Variants in CAST observed in about 807,000 individuals in gnomAD.
CAST encodes the protein calpastatin, also known as MIR583 host.
In CAST, 76 loss-of-function variants were observed where a neutral mutation model predicts 119.6. The ratio of observed to expected loss-of-function variants is 0.64; its 90% CI spans 0.53 to 0.77. The LOEUF is 0.77. Among genes scored for constraint, CAST ranks in the 30% least tolerant of loss-of-function variants. CAST has a pLI of 0.00. For missense variants in CAST, 953 were observed against 946.5 expected, an observed-to-expected ratio of 1.01 and a Z score of -0.09; for synonymous variants, 319 against 331.6, an observed-to-expected ratio of 0.96 and a Z score of 0.41.
the CAST span, among the ~76,000 whole-genome samples, chr5:95,987,462 G>A: frequency 0.011 from 1,709 of 152,268 alleles, 11 homozygotes; most frequent in Non-Finnish European, 0.017. Context: ...CCTAGGCGCT[G>A]CCTCCAACCA....
chr5:96,503,744 C>T, the CAST span, among the ~76,000 whole-genome samples: 1 of 152,162 alleles, frequency 6.6e-6, no homozygotes, highest in East Asian at 1.9e-4. Flanking sequence ...CGCAGCAGCC[C>T]AAATGACAGG....
At chr5:96,593,122 C>G (rs1746994187) in intron 1 of CAST, among the ~76,000 whole-genome samples, 1 of 152,226 alleles carries the variant, frequency 6.6e-6, no homozygotes, top group Admixed American at 6.5e-5. Context: ...GGCCCCATAC[C>G]CATCTGCATC....
At chr5:96,750,489 C>T (rs749096141) in intron 19 of CAST, 98 bp from the exon 20 acceptor site, 4 of 693,036 alleles carry the variant, frequency 5.8e-6, no homozygotes, top group Non-Finnish European at 1.0e-5. Context: ...CATGTTCACA[C>T]CATATAATGT....
chr5:96,559,375 A>G (rs1746310085), intron 1 of CAST, among the ~76,000 whole-genome samples: 1 of 152,204 alleles, frequency 6.6e-6, no homozygotes, highest in East Asian at 1.9e-4. Flanking sequence ...AGGCAGGAGA[A>G]GGAAATAAGG....
At chr5:96,156,761 T>C in the CAST span, among the ~76,000 whole-genome samples, 1 of 152,196 alleles carries the variant, frequency 6.6e-6, no homozygotes, top group Non-Finnish European at 1.5e-5. Flanking sequence ...TTACCCACCA[T>C]TTGATTATGC....
At chr5:96,309,590 C>T in the CAST span, among the ~76,000 whole-genome samples, 2 of 152,300 alleles carry the variant, frequency 1.3e-5, no homozygotes, top group Admixed American at 6.5e-5. Flanking sequence ...GCATAGGCAC[C>T]GTAGGGAATC....
the CAST span, among the ~76,000 whole-genome samples, chr5:96,139,712 G>A: frequency 6.6e-6 from 1 of 151,646 alleles, no homozygotes; most frequent in African/African-American, 2.4e-5. Flanking sequence ...CCATTTATGC[G>A]ACTATTTTCT....
the CAST span, among the ~76,000 whole-genome samples, chr5:96,142,984 G>T: frequency 6.6e-6 from 1 of 152,184 alleles, no homozygotes; most frequent in South Asian, 2.1e-4. Context: ...CCTGAAGTTT[G>T]ACACTCTGGT....
the CAST span, among the ~76,000 whole-genome samples, chr5:96,420,860 G>T: frequency 6.6e-6 from 1 of 152,112 alleles, no homozygotes; most frequent in Non-Finnish European, 1.5e-5. Flanking sequence ...AAGAGACAGT[G>T]CCATCCAGAG....
the CAST span, chr5:96,393,073 G>C: frequency 6.2e-7 from 1 of 1,613,990 alleles, no homozygotes; most frequent in South Asian, 1.1e-5. Context: ...AAGGTTTAGT[G>C]TTATAAAAAA....
the CAST span, among the ~76,000 whole-genome samples, chr5:96,412,765 T>G: frequency 3.4e-5 from 5 of 145,596 alleles, no homozygotes; most frequent in Non-Finnish European, 7.4e-5. Context: ...TTTTTTTTTT[T>G]TTTTTTTTTT....
chr5:96,758,760 C>T (rs1766950640), intron 24 of CAST, among the ~76,000 whole-genome samples: 1 of 152,152 alleles, frequency 6.6e-6, no homozygotes, highest in Non-Finnish European at 1.5e-5. Flanking sequence ...GCTCAGTCAC[C>T]TCATCCCGTG....
chr5:96,429,406 C>T, the CAST span: 1 of 730,078 alleles, frequency 1.4e-6, no homozygotes, highest in Non-Finnish European at 2.4e-6. Context: ...TAGAGATAGG[C>T]AACTTTTATT....
At chr5:96,489,824 T>G in the CAST span, among the ~76,000 whole-genome samples, 1 of 152,214 alleles carries the variant, frequency 6.6e-6, no homozygotes, top group Non-Finnish European at 1.5e-5. Flanking sequence ...TCCTGTCACA[T>G]AGATACAGAG....
chr5:96,742,597 G>A, intron 15 of CAST, 58 bp from the exon 16 acceptor site: 2 of 1,078,196 alleles, frequency 1.9e-6, no homozygotes, highest in Non-Finnish European at 1.4e-6. Context: ...GAAGTAAATG[G>A]ATTGTTCGGG....
the CAST span, among the ~76,000 whole-genome samples, chr5:96,138,088 A>T: frequency 1.3e-5 from 2 of 151,992 alleles, no homozygotes. Context: ...GTATTTTCCT[A>T]TGTTTTCTTT....
upstream of CAST, among the ~76,000 whole-genome samples, chr5:96,527,037 G>A (rs1364816668): frequency 2.0e-5 from 3 of 152,162 alleles, no homozygotes; most frequent in African/African-American, 7.2e-5. Context: ...AAAGGAGCAG[G>A]GAGAGAAGCA....
chr5:96,055,438 G>C, the CAST span, among the ~76,000 whole-genome samples: 71 of 152,248 alleles, frequency 4.7e-4, no homozygotes, highest in Non-Finnish European at 7.5e-4. Context: ...TGGAGAGCAT[G>C]CTGTATTTTA....
chr5:96,729,562 T>C lies in CAST; in HGVS notation c.436-50T>C, dbSNP rs111869728. On this transcript the variant is annotated intron_variant, in intron 7 of 31. Transcript: ENST00000675179. ...AGTATTATGTTTAAGACTACCATCT[T>C]GTTAACAATGTCTTTATATGTGTGT... 1.1e-3 allele frequency: 898 copies of C among 787,056 alleles called. 1 individual carries two copies. The highest frequency in any genetic ancestry group is 1.6e-3 in the Non-Finnish European group (697 of 432,412). The allele number at this position is 787,056 out of a possible 1,614,324, so 48.8% of individuals were successfully genotyped here.
Sources: allele counts gnomAD v4.1 joint callset (sites outside exome capture counted in the v4.1 genomes callset), GRCh38; gene constraint gnomAD v4.1.1; transcripts MANE v1.5; gene names NCBI Gene and HGNC (gene_info 2026-07-23, HGNC 2026-07-21).